Variants in CDH12 observed in about 807,000 individuals in gnomAD.
The protein encoded by CDH12 is cadherin-12.
In CDH12, 41 loss-of-function variants were observed where a neutral mutation model predicts 74.1. The ratio of observed to expected loss-of-function variants is 0.55; its 90% CI spans 0.43 to 0.72. The LOEUF is 0.72. Among genes scored for constraint, CDH12 ranks in the 30% least tolerant of loss-of-function variants. The pLI is 0.00. For missense variants in CDH12, 945 were observed against 977.2 expected (o/e 0.97, Z 0.44); for synonymous variants, 399 against 355.0 (o/e 1.12, Z -1.39).
chr5:22,761,767 A>T (rs576855785), intron 1 of CDH12, among the ~76,000 whole-genome samples: 1 of 152,292 alleles, frequency 6.6e-6, no homozygotes, highest in South Asian at 2.1e-4. Context: ...CTATTGTTAA[A>T]TTTATGATTA....
rs1314570316 is a variant in CDH12 at position 21,802,305 on chromosome 5, A to G, written c.1118T>C (p.Ile373Thr). The change falls in exon 10 of 15, where the codon ATC (isoleucine) becomes ACC (threonine). Residue 373 changes from isoleucine to threonine, a missense_variant. Coordinates refer to ENST00000382254, the MANE Select transcript of CDH12 (RefSeq NM_004061.5). ...TGGCTCATCTACGTCCAGCACGCTG[A>G]TCTTCACCGTAGCTGTGTCTTTGAA... Reference protein sequence around the residue: ...GPFKDTATVKISVLDVDEPPV... With the variant: ...GPFKDTATVKTSVLDVDEPPV... 6.2e-7 allele frequency: 1 copy of G among 1,613,902 alleles called. No homozygotes were observed. The highest frequency in any genetic ancestry group is 1.1e-5 in the South Asian group (1 of 91,076).
intron 4 of CDH12, among the ~76,000 whole-genome samples, chr5:22,095,396 G>A (rs1189252064): frequency 1.3e-5 from 2 of 152,064 alleles, no homozygotes; most frequent in African/African-American, 4.8e-5. Flanking sequence ...ATGGACTCGG[G>A]AAGGCAGCCT....
At chr5:22,377,543 T>G (rs971485753) in intron 3 of CDH12, among the ~76,000 whole-genome samples, 7 of 152,154 alleles carry the variant, frequency 4.6e-5, no homozygotes, top group Non-Finnish European at 1.0e-4. Flanking sequence ...AGCCTGACTC[T>G]TATTGAACCT....
At position 22,662,310 on chromosome 5, in the gene CDH12, C is replaced by T. The variant is rs146625246; in HGVS notation, c.-522-156946G>A. Among the ~76,000 whole-genome samples, 533 of 152,166 alleles carry T rather than the reference C, an allele frequency of 3.5e-3. 4 individuals carry two copies. The highest frequency in any genetic ancestry group is 0.012 in the African/African-American group (503 of 41,520). ...CAAGGAAGTTATGGCATATATATAA[C>T]AAAGTTTAATTGAGAAAAGATAAAT... On this transcript the variant is annotated intron_variant, in intron 1 of 14. Transcript: ENST00000382254.
At chr5:21,794,138 A>G (rs1049449996) in intron 10 of CDH12, among the ~76,000 whole-genome samples, 2 of 151,560 alleles carry the variant, frequency 1.3e-5, no homozygotes, top group Non-Finnish European at 3.0e-5. Flanking sequence ...ATGTGTAAAT[A>G]TAATGTCTTT....
At chr5:21,837,577 T>C (rs1447841294) in intron 8 of CDH12, among the ~76,000 whole-genome samples, 2 of 152,072 alleles carry the variant, frequency 1.3e-5, no homozygotes, top group Admixed American at 1.3e-4. Context: ...GACTTCCACA[T>C]TGAAAAGGAT....
intron 1 of CDH12, among the ~76,000 whole-genome samples, chr5:22,545,469 A>G (rs1228396706): frequency 6.6e-6 from 1 of 152,230 alleles, no homozygotes; most frequent in Admixed American, 6.5e-5. Context: ...CTGCTCTAAT[A>G]TAGATCCCTA....
intron 2 of CDH12, among the ~76,000 whole-genome samples, chr5:22,494,047 T>C (rs922917272): frequency 2.0e-5 from 3 of 152,058 alleles, no homozygotes; most frequent in African/African-American, 7.2e-5. Flanking sequence ...CCCCCACAAA[T>C]TGGGAGGGCT....
At chr5:22,429,158 G>T (rs1744066523) in intron 2 of CDH12, among the ~76,000 whole-genome samples, 2 of 147,940 alleles carry the variant, frequency 1.4e-5, no homozygotes, top group Non-Finnish European at 3.0e-5. Context: ...TCTAAGACAG[G>T]CCTTGTTTTG....
chr5:22,719,241 TC>T (rs764150606), intron 1 of CDH12, among the ~76,000 whole-genome samples: 5 of 152,138 alleles, frequency 3.3e-5, no homozygotes, highest in Non-Finnish European at 7.3e-5. Flanking sequence ...AGAGTTGGCA[TC>T]CCTGCTTGTT....
chr5:22,506,694 G>T (rs2126664904), intron 1 of CDH12, among the ~76,000 whole-genome samples: 1 of 152,040 alleles, frequency 6.6e-6, no homozygotes, highest in East Asian at 1.9e-4. Flanking sequence ...TGCCACTGGG[G>T]TGCCATTACT....
chr5:21,755,982 T>C (rs756795852), intron 13 of CDH12, 140 bp from the exon 14 acceptor site: 6 of 714,202 alleles, frequency 8.4e-6, no homozygotes, highest in Admixed American at 5.7e-5. Flanking sequence ...GTTCACATTA[T>C]GAAAACTGCC....
At chr5:22,807,581 C>T (rs182659642) in intron 1 of CDH12, among the ~76,000 whole-genome samples, 1 of 152,280 alleles carries the variant, frequency 6.6e-6, no homozygotes. Context: ...ATAGAATTTA[C>T]TTATGTGAAC....
At chr5:22,391,001 T>C (rs1319928026) in intron 3 of CDH12, among the ~76,000 whole-genome samples, 3 of 152,182 alleles carry the variant, frequency 2.0e-5, no homozygotes, top group Middle Eastern at 3.2e-3. Flanking sequence ...CATTCTATGA[T>C]AGAGTGAACT....
intron 5 of CDH12, among the ~76,000 whole-genome samples, chr5:22,067,275 T>C (rs1741628818): frequency 6.6e-6 from 1 of 152,126 alleles, no homozygotes; most frequent in Non-Finnish European, 1.5e-5. Flanking sequence ...CTGACAAAAA[T>C]GTATTGCCAT....
chr5:22,014,009 T>C (rs1390470177), intron 5 of CDH12, among the ~76,000 whole-genome samples: 5 of 152,078 alleles, frequency 3.3e-5, no homozygotes, highest in Admixed American at 3.3e-4. Flanking sequence ...GGCAGATCAC[T>C]TTAGGTCAGG....
At chr5:22,419,553 A>T (rs896268403) in intron 2 of CDH12, among the ~76,000 whole-genome samples, 36 of 152,120 alleles carry the variant, frequency 2.4e-4, no homozygotes, top group Admixed American at 3.9e-4. Flanking sequence ...TCTATCATTG[A>T]TGGGCTTTTG....
chr5:22,357,134 G>T (rs957109396), intron 3 of CDH12, among the ~76,000 whole-genome samples: 2 of 152,096 alleles, frequency 1.3e-5, no homozygotes, highest in African/African-American at 4.8e-5. Context: ...GAGAGAAATT[G>T]ATAGTACAAA....
chr5:22,642,324 TA>T (rs1187606109), intron 1 of CDH12, among the ~76,000 whole-genome samples: 5 of 152,176 alleles, frequency 3.3e-5, no homozygotes, highest in Non-Finnish European at 7.3e-5. Flanking sequence ...CTCATTGGCA[TA>T]AGGATAAATT....
Sources: allele counts gnomAD v4.1 joint callset (sites outside exome capture counted in the v4.1 genomes callset), GRCh38; gene constraint gnomAD v4.1.1; transcripts MANE v1.5; gene names NCBI Gene and HGNC (gene_info 2026-07-23, HGNC 2026-07-21).